Variants in COQ8A observed in about 807,000 individuals in gnomAD.
COQ8A encodes atypical kinase COQ8A, mitochondrial.
A neutral mutation model predicts 65.0 loss-of-function variants in COQ8A; 51 were observed. The ratio of observed to expected loss-of-function variants is 0.78; its 90% CI spans 0.63 to 0.99. The LOEUF (loss-of-function observed/expected upper bound fraction) is 0.99, where lower values mean the gene tolerates loss of function less well. Ranked by LOEUF, COQ8A falls within the 50% of genes least tolerant of loss-of-function variation. COQ8A has a pLI of 0.00. For missense variants in COQ8A, 940 were observed against 875.0 expected (o/e 1.07, Z -0.94); for synonymous variants, 371 against 353.2 (o/e 1.05, Z -0.57).
At chr1:226,978,955 C>CACT (rs1558202644) in intron 5 of COQ8A, among the ~76,000 whole-genome samples, 2 of 151,282 alleles carry the variant, frequency 1.3e-5, no homozygotes, top group Non-Finnish European at 3.0e-5. Context: ...CACACCTTAC[C>CACT]CTCCACACAC....
In COQ8A at chr1:226,984,556, C is replaced by T. The variant is rs773258464; in HGVS notation, c.1407C>T (p.Tyr469=). 67 of 1,613,572 alleles carry T rather than the reference C, an allele frequency of 4.2e-5. No individual in the cohort carries two copies. Among genetic ancestry groups the T allele is most frequent in the Middle Eastern group, 1.6e-4 (1 of 6,082 alleles). ...CTTCGCGCTGTCCACAGATCTGCTA[C>T]AACATCCTGGTTCTGTGCCTGAGGG... ...LSQEIRNEIC[Y]NILVLCLREL... Residue 469 remains tyrosine, a synonymous_variant, in exon 12 of 15, where the codon TAC becomes TAT. Transcript: ENST00000366777.
intron 4 of COQ8A, chr1:226,975,223 C>T (rs1467597657): frequency 6.6e-6 from 1 of 152,246 alleles, no homozygotes; most frequent in Non-Finnish European, 1.5e-5. Context: ...AGCTCTGAGC[C>T]CAGGGCTTTC....
chr1:226,961,244 C>T (rs1558188163), intron 1 of COQ8A, 133 bp from the exon 2 acceptor site: 6 of 951,576 alleles, frequency 6.3e-6, no homozygotes, highest in Non-Finnish European at 9.9e-6. Flanking sequence ...TTTCTTATCT[C>T]TTAGCAGAAG....
chr1:226,966,798 C>G (rs1296856878), intron 4 of COQ8A, among the ~76,000 whole-genome samples: 3 of 152,182 alleles, frequency 2.0e-5, no homozygotes, highest in African/African-American at 4.8e-5. Flanking sequence ...TTGTTCAAGA[C>G]TGGTTCTGGG....
chr1:226,944,690 C>T (rs1273415503), intron 1 of COQ8A, among the ~76,000 whole-genome samples: 1 of 109,016 alleles, frequency 9.2e-6, no homozygotes, highest in Non-Finnish European at 1.8e-5. Context: ...GGAGTTGTAC[C>T]CTGAGAGAGA....
intron 6 of COQ8A, 46 bp from the exon 7 acceptor site, chr1:226,982,632 C>T (rs200606165): frequency 5.0e-6 from 8 of 1,600,072 alleles, no homozygotes; most frequent in Non-Finnish European, 6.8e-6. Context: ...CCTGGGCGCA[C>T]ACTTTAATCC....
At chr1:226,964,467 G>A (rs1658438486) in intron 2 of COQ8A, among the ~76,000 whole-genome samples, 1 of 152,190 alleles carries the variant, frequency 6.6e-6, no homozygotes, top group Non-Finnish European at 1.5e-5. Flanking sequence ...GGACGGCCAG[G>A]CCTGGTCCTG....
At chr1:226,948,277 C>T (rs577908690) in intron 1 of COQ8A, among the ~76,000 whole-genome samples, 3 of 152,214 alleles carry the variant, frequency 2.0e-5, no homozygotes, top group Non-Finnish European at 2.9e-5. Context: ...GCCTCTTCCT[C>T]ACAATGGCAT....
At chr1:226,951,017 T>C (rs4521963) in intron 1 of COQ8A, among the ~76,000 whole-genome samples, 5,733 of 152,208 alleles carry the variant, frequency 0.038, 334 homozygotes, top group African/African-American at 0.12. Context: ...AGGGCCATGG[T>C]GAGCTCAGAC....
chr1:226,966,291 G>A (rs745502458), intron 4 of COQ8A, among the ~76,000 whole-genome samples: 3 of 152,228 alleles, frequency 2.0e-5, no homozygotes, highest in Non-Finnish European at 4.4e-5. Context: ...ACTTTGGGGG[G>A]TTGAGTTGTC....
In COQ8A at chr1:226,982,704, G is replaced by C; in HGVS notation, c.880G>C (p.Ala294Pro). ...QDDAFINPHLAKIFERVRQSA... is the reference protein window; with the variant it reads ...QDDAFINPHLPKIFERVRQSA... ...TGATGCCTTTATCAACCCCCACCTGGCTAAGATCTTCGAGCGGGTGCGGCA... is the reference window on the plus strand; with the variant it reads ...TGATGCCTTTATCAACCCCCACCTGCCTAAGATCTTCGAGCGGGTGCGGCA... The change falls in exon 7 of 15, where the codon GCT becomes CCT. Residue 294 changes from alanine to proline, a missense_variant. Ala to Pro is a conservative substitution (Grantham distance 27, BLOSUM62 -1). Coordinates refer to ENST00000366777, the MANE Select transcript of COQ8A (RefSeq NM_020247.5). 6.2e-7 allele frequency: 1 copy of C among 1,613,658 alleles called. No homozygotes were observed. Among genetic ancestry groups the C allele is most frequent in the Non-Finnish European group, 8.5e-7 (1 of 1,180,018 alleles).
rs575556120 is a variant in COQ8A, at chr1:226,979,701, C to T, written c.730+2178C>T. Among the ~76,000 whole-genome samples the T allele has an allele frequency of 3.1e-3, 479 of 152,310 alleles. 2 individuals are homozygous for T. Among genetic ancestry groups the T allele is most frequent in the African/African-American group, 9.9e-3 (412 of 41,580 alleles). ...CGGACAGCCCCCCTTCACCCACCAA[C>T]GCTGCCTTCTGGGGCAAGGGCACTA... On this transcript the variant is annotated intron_variant, in intron 5 of 14. Transcript: ENST00000366777.
intron 5 of COQ8A, among the ~76,000 whole-genome samples, chr1:226,979,782 T>C (rs1242833847): frequency 6.6e-6 from 1 of 152,156 alleles, no homozygotes; most frequent in African/African-American, 2.4e-5. Flanking sequence ...TGCACGTCCT[T>C]GGAAGGGGCT....
rs117110997 is a variant in COQ8A, at chr1:226,970,460, C to T, written c.655+4723C>T. Among the ~76,000 whole-genome samples, 56 of 152,258 alleles carry T rather than the reference C, an allele frequency of 3.7e-4. No individual in the cohort carries two copies. In the East Asian group the frequency reaches 7.1e-3, roughly 19 times the overall value. On this transcript the variant is annotated intron_variant, in intron 4 of 14. Coordinates refer to ENST00000366777, the MANE Select transcript of COQ8A (RefSeq NM_020247.5). ...AATACAGTAGATAACTGTAATACAA[C>T]GGTATTTGTGTACCTAAACATAGAA... is the stretch of plus-strand genomic sequence containing the variant.
At chr1:226,986,424 C>A in intron 14 of COQ8A, 29 bp from the exon 15 acceptor site, 1 of 1,608,774 alleles carries the variant, frequency 6.2e-7, no homozygotes, top group Non-Finnish European at 8.5e-7. Context: ...GGTGTCTCGC[C>A]GCCATTTATC....
intron 2 of COQ8A, among the ~76,000 whole-genome samples, chr1:226,964,113 C>A (rs898673517): frequency 1.3e-5 from 2 of 152,216 alleles, no homozygotes; most frequent in Non-Finnish European, 2.9e-5. Flanking sequence ...GAACGTGAGG[C>A]TTGGGTATCC....
intron 1 of COQ8A, among the ~76,000 whole-genome samples, chr1:226,956,672 G>T (rs1289627486): frequency 2.3e-5 from 2 of 88,290 alleles, no homozygotes; most frequent in Non-Finnish European, 2.2e-5. Flanking sequence ...CCACTCCCTG[G>T]TTCACACTCT....
chr1:226,982,902 C>T lies in COQ8A; in HGVS notation c.948C>T (p.Leu316=), dbSNP rs55637780. 2.3e-3 allele frequency: 3,689 copies of T among 1,612,792 alleles called. 9 individuals are homozygous for T. The highest frequency in any genetic ancestry group is 2.4e-3 in the Non-Finnish European group (2,825 of 1,179,886). The change falls in exon 8 of 15, where the codon CTC becomes CTT. Residue 316 remains leucine, a synonymous_variant. Coordinates refer to ENST00000366777, the MANE Select transcript of COQ8A (RefSeq NM_020247.5). ...FMPLKQMMKT[L]NNDLGPNWRD... ...CTGGCCCTGCCCTTCAGAAAACTCTCAACAACGACCTGGGCCCCAACTGGC... is the reference window on the plus strand; with the variant it reads ...CTGGCCCTGCCCTTCAGAAAACTCTTAACAACGACCTGGGCCCCAACTGGC...
rs371004162 is a variant in COQ8A at position 226,976,231 on chromosome 1, T to C, written c.656-1218T>C. Among the ~76,000 whole-genome samples the C allele has an allele frequency of 1.0e-3, 103 of 99,416 alleles. 1 individual carries two copies. Among genetic ancestry groups the C allele is most frequent in the Middle Eastern group, 5.1e-3 (1 of 196 alleles). 65.2% of individuals were successfully genotyped at this position (99,416 alleles called of 152,430 possible). On this transcript the variant is annotated intron_variant, in intron 4 of 14. Transcript: ENST00000366777. ...GCGATGTTGCCTGGCTGCGGGGCTG[T>C]GGGACTGCGGGGCTGTGGGACTGCG...
Sources: gnomAD v4.1 joint callset for allele counts (sites outside exome capture counted in the v4.1 genomes callset) on GRCh38, gnomAD v4.1.1 for gene constraint, MANE v1.5 for transcripts, NCBI Gene and HGNC (gene_info 2026-07-23, HGNC 2026-07-21) for gene names.